DZIP1L: variants seen among roughly 807,000 people sequenced by gnomAD.
DZIP1L encodes the protein cilium assembly protein DZIP1L.
Under a neutral mutation model 88.7 loss-of-function variants are expected in DZIP1L, and 90 were observed. That is an observed-to-expected ratio of 1.02 (90% CI 0.86 to 1.21). The LOEUF (loss-of-function observed/expected upper bound fraction) is 1.21. Among genes scored for constraint, DZIP1L ranks in the 50% most tolerant of loss-of-function variants. The pLI, the probability that DZIP1L is intolerant of heterozygous loss-of-function variation, is 0.00. For missense variants in DZIP1L, 932 were observed against 955.8 expected (o/e 0.98, Z 0.33); for synonymous variants, 363 against 372.1 (o/e 0.98, Z 0.28).
intron 1 of DZIP1L, among the ~76,000 whole-genome samples, 190 bp downstream of exon 1, chr3:138,115,138 G>A (rs1397703928): frequency 1.3e-5 from 2 of 152,062 alleles, no homozygotes; most frequent in African/African-American, 4.8e-5. Flanking sequence ...CGGGCCAGAA[G>A]GGCGCGCCCT....
At position 138,071,755 on chromosome 3, in the gene DZIP1L, C is replaced by T. The variant is rs761584698; in HGVS notation, c.1503G>A (p.Lys501=). The stretch of plus-strand genomic sequence containing the variant: ...CCCTCAGACTCAGAAATTCAGAAAA[C>T]TTCCGGGCCTTCTGCTCCCGCTGGA... ...LRVQREQKAR[K]FSEFLSLRGK... Residue 501 remains lysine (K), a synonymous_variant, in exon 12 of 16, where the codon AAG becomes AAA. Coordinates refer to ENST00000327532, the MANE Select transcript of DZIP1L (RefSeq NM_173543.3). The T allele has an allele frequency of 6.2e-7, 1 of 1,614,218 alleles. No individual in the cohort carries two copies. Among genetic ancestry groups the T allele is most frequent in the South Asian group, 1.1e-5 (1 of 91,080 alleles).
At chr3:138,107,624 A>G (rs2042534536) in intron 1 of DZIP1L, among the ~76,000 whole-genome samples, 1 of 152,234 alleles carries the variant, frequency 6.6e-6, no homozygotes, top group Non-Finnish European at 1.5e-5. Flanking sequence ...GAACCACTCA[A>G]CATTGATTCT....
chr3:138,097,078 G>A lies in DZIP1L; in HGVS notation c.586+685C>T, dbSNP rs184986994. On this transcript the variant is annotated intron_variant, in intron 3 of 15. Transcript: ENST00000327532. ...TGCCTGCAGTCCCAGCTACTCAGGA[G>A]GCTGAGGTACGGGGATTGCTTGAGC... Among the ~76,000 whole-genome samples the A allele has an allele frequency of 3.7e-3, 565 of 152,114 alleles. 6 individuals are homozygous for A. Among genetic ancestry groups the A allele is most frequent in the African/African-American group, 0.013 (550 of 41,494 alleles).
chr3:138,092,633 C>A, intron 4 of DZIP1L, 89 bp from the exon 5 acceptor site: 2 of 1,346,774 alleles, frequency 1.5e-6, no homozygotes, highest in Non-Finnish European at 2.0e-6. Context: ...CTTGTCTATG[C>A]AAGTCACTAT....
At chr3:138,090,887 T>TA (rs1294804764) in intron 5 of DZIP1L, among the ~76,000 whole-genome samples, 2 of 142,192 alleles carry the variant, frequency 1.4e-5, no homozygotes, top group African/African-American at 2.6e-5. Context: ...AAGGGATAAC[T>TA]TTTTTTTTTT....
Position 138,102,615 on chromosome 3 carries a change from C to T in DZIP1L, c.501+856G>A. On this transcript the variant is annotated intron_variant, in intron 2 of 15. Transcript: ENST00000327532. Reference sequence around the variant, plus strand: ...ATACCTTGTCTATGAAGGAGGCAAACTTGTTGTTGAGGGTCTTGATCTGCT... The same window carrying T: ...ATACCTTGTCTATGAAGGAGGCAAATTTGTTGTTGAGGGTCTTGATCTGCT... 3 of 1,469,044 alleles carry T rather than the reference C, an allele frequency of 2.0e-6. 1 individual carries two copies. The highest frequency in any genetic ancestry group is 2.8e-5 in the African/African-American group (2 of 72,454). 91.0% of individuals were successfully genotyped at this position (1,469,044 alleles called of 1,614,324 possible). A position where few individuals can be genotyped will look rare whatever the true frequency, so the allele number is the denominator to read the frequency against.
intron 2 of DZIP1L, chr3:138,101,688 G>C: frequency 1.2e-6 from 1 of 806,208 alleles, no homozygotes; most frequent in Non-Finnish European, 2.2e-6. Flanking sequence ...AGCCGCTGGT[G>C]GTCTTTGTAT....
At chr3:138,088,538 A>T in intron 5 of DZIP1L, 31 bp from the exon 6 acceptor site, 7 of 1,606,314 alleles carry the variant, frequency 4.4e-6, no homozygotes, top group Non-Finnish European at 6.0e-6. Context: ...TTTTATTCAG[A>T]TGAAGATCTC....
rs111946213 is a variant in DZIP1L, at chr3:138,094,935, A to G, written c.635T>C (p.Leu212Pro). ...TTGGGTCCACTTTAGCTTGGCCCGT[A>G]GCTCTTCTAACACCTCTTCCACTGG... ...EQPVEEVLEELRAKLKWTQGE... is the reference protein window; with the variant it reads ...EQPVEEVLEEPRAKLKWTQGE... Residue 212 changes from leucine to proline, a missense_variant, in exon 4 of 16, where the codon CTA becomes CCA. By Grantham distance (98) the Leu-to-Pro change is moderately conservative. Coordinates refer to ENST00000327532, the MANE Select transcript of DZIP1L (RefSeq NM_173543.3). 1 of 1,614,132 alleles carries G rather than the reference A, an allele frequency of 6.2e-7. No individual in the cohort carries two copies. Among genetic ancestry groups the G allele is most frequent in the Admixed American group, 1.7e-5 (1 of 60,034 alleles).
intron 5 of DZIP1L, among the ~76,000 whole-genome samples, chr3:138,090,457 T>C (rs977680410): frequency 6.6e-6 from 1 of 152,160 alleles, no homozygotes; most frequent in Non-Finnish European, 1.5e-5. Flanking sequence ...AGCTGTATAT[T>C]AGGAGCATGA....
Position 138,067,543 on chromosome 3 carries a change from CA to C in DZIP1L, c.1989del (p.Gly664AlafsTer19). ...TETSEENAQP[P>X]GQGSGTLVQS... ...GGTGCCAGCTCACCTGAGCCCTGGC[CA>C]GGGGGCTGGGCATTCTCCTCCGAGG... On this transcript the variant is annotated frameshift_variant, in exon 14 of 16. Transcript: ENST00000327532. LOFTEE classifies it high-confidence loss of function. 6.2e-7 allele frequency: 1 copy of C among 1,605,384 alleles called. No individual in the cohort carries two copies. The highest frequency in any genetic ancestry group is 8.5e-7 in the Non-Finnish European group (1 of 1,176,258).
chr3:138,112,219 C>T (rs561938803), intron 1 of DZIP1L: 4 of 152,282 alleles, frequency 2.6e-5, no homozygotes, highest in African/African-American at 9.6e-5. Flanking sequence ...GCTAAGATCC[C>T]TGCTCACTCA....
chr3:138,064,410 ATGAAC>A (rs1942799500), intron 15 of DZIP1L: 3 of 1,467,916 alleles, frequency 2.0e-6, no homozygotes, highest in Non-Finnish European at 2.7e-6. Flanking sequence ...TGCTTATATA[ATGAAC>A]CAAAAGGCTT....
chr3:138,092,307 C>G, intron 5 of DZIP1L, 76 bp downstream of exon 5: 2 of 1,417,018 alleles, frequency 1.4e-6, no homozygotes, highest in South Asian at 1.7e-5. Flanking sequence ...GAAATAAAAC[C>G]AGTACAAACT....
intron 2 of DZIP1L, chr3:138,102,004 T>A: frequency 6.6e-7 from 1 of 1,520,562 alleles, no homozygotes; most frequent in African/African-American, 1.4e-5. Context: ...GAGATCTCAG[T>A]CTTTGTATGC....
chr3:138,113,018 T>C (rs1200779982), intron 1 of DZIP1L, among the ~76,000 whole-genome samples: 5 of 152,262 alleles, frequency 3.3e-5, no homozygotes, highest in South Asian at 2.1e-4. Flanking sequence ...CCTTTAGATA[T>C]ATTGACAGGG....
intron 1 of DZIP1L, among the ~76,000 whole-genome samples, chr3:138,114,967 C>A (rs937626099): frequency 3.9e-4 from 60 of 152,362 alleles, no homozygotes; most frequent in African/African-American, 1.4e-3. Context: ...CAAGCCCTCC[C>A]AAATCACTTT....
rs116526849 is a variant in DZIP1L, at chr3:138,064,569, A to G, written c.2142+59T>C. On this transcript the variant is annotated intron_variant, in intron 15 of 15. Transcript: ENST00000327532. ...CCCAACCTTCACCCCAGGCCCCCCA[A>G]ACTCAGAGCTGGTTCTGTAGAGAAT... 1.1e-3 allele frequency: 1,755 copies of G among 1,613,812 alleles called. 22 individuals carry two copies. The African/African-American group carries it at 0.021, about 19-fold the overall frequency.
Position 138,064,644 on chromosome 3 carries a change from G to C in DZIP1L, c.2126C>G (p.Pro709Arg). The change falls in exon 15 of 16, where the codon CCA becomes CGA. Residue 709 changes from proline (P) to arginine (R), a missense_variant. Coordinates refer to ENST00000327532, the MANE Select transcript of DZIP1L (RefSeq NM_173543.3). ...ACATCCTACCTGAGGCTTCCTTCCTGGTGTGGCAGCCCTCTGTGGCCCAGC... is the reference window on the plus strand; with the variant it reads ...ACATCCTACCTGAGGCTTCCTTCCTCGTGTGGCAGCCCTCTGTGGCCCAGC... ...PNAGPQRAAT[P>R]GRKPQLSEDE... 1 of 1,614,124 alleles carries C rather than the reference G, an allele frequency of 6.2e-7. No homozygotes were observed. The highest frequency in any genetic ancestry group is 8.5e-7 in the Non-Finnish European group (1 of 1,180,024).
Sources: allele counts gnomAD v4.1 joint callset (sites outside exome capture counted in the v4.1 genomes callset), GRCh38; gene constraint gnomAD v4.1.1; transcripts MANE v1.5; gene names NCBI Gene and HGNC (gene_info 2026-07-23, HGNC 2026-07-21).